The following STXBP5L variants were observed in gnomAD, a reference collection of about 807,000 sequenced individuals.
The protein encoded by STXBP5L is syntaxin binding protein 5L, also known as syntaxin-binding protein 5-like.
Under a neutral mutation model 144.5 loss-of-function variants are expected in STXBP5L, and 65 were observed. The ratio of observed to expected loss-of-function variants is 0.45; its 90% CI spans 0.37 to 0.55. The LOEUF (loss-of-function observed/expected upper bound fraction) is 0.55. Ranked by LOEUF, STXBP5L falls within the 20% of genes least tolerant of loss-of-function variation. The probability of loss-of-function intolerance (pLI) is 0.00; values close to 1 mark genes in which losing one functional copy is unlikely to be tolerated. For synonymous variants in STXBP5L, 505 were observed against 469.6 expected, an observed-to-expected ratio of 1.08 and a Z score of -0.97; for missense variants, 1,298 against 1,405.5, an observed-to-expected ratio of 0.92 and a Z score of 1.22.
intron 8 of STXBP5L, among the ~76,000 whole-genome samples, chr3:121,156,083 C>G (rs566957479): frequency 6.6e-6 from 1 of 151,914 alleles, no homozygotes; most frequent in Non-Finnish European, 1.5e-5. Context: ...TCTCTAACTT[C>G]CTCTGCTGGA....
chr3:121,261,101 G>T (rs1272960976), intron 18 of STXBP5L, among the ~76,000 whole-genome samples: 1 of 152,148 alleles, frequency 6.6e-6, no homozygotes, highest in Non-Finnish European at 1.5e-5. Flanking sequence ...GTAAAGACAA[G>T]GGGACTTCAG....
At position 121,071,561 on chromosome 3, in the gene STXBP5L, T is replaced by C. The variant is rs147116267; in HGVS notation, c.470+26026T>C. Reference sequence around the variant, plus strand: ...AGCTGCTGCTGGTTTCAGCCAGCTATGATGAACCCAAGGTATGATACCTGC... The same window carrying C: ...AGCTGCTGCTGGTTTCAGCCAGCTACGATGAACCCAAGGTATGATACCTGC... On this transcript the variant is annotated intron_variant, in intron 5 of 26. Coordinates refer to ENST00000471454, the MANE Select transcript of STXBP5L (RefSeq NM_001308330.2). 8.0e-4 allele frequency among the ~76,000 whole-genome samples: 122 copies of C among 152,300 alleles called. 2 individuals carry two copies. In the East Asian group the frequency reaches 0.022, roughly 27 times the overall value.
intron 3 of STXBP5L, among the ~76,000 whole-genome samples, chr3:120,956,486 T>C (rs1938052795): frequency 6.6e-6 from 1 of 151,994 alleles, no homozygotes; most frequent in African/African-American, 2.4e-5. Context: ...CGTTTATCCA[T>C]GTTGAAGCAT....
At chr3:121,158,503 C>G (rs1037291112) in intron 9 of STXBP5L, 2 of 152,116 alleles carry the variant, frequency 1.3e-5, no homozygotes, top group African/African-American at 4.8e-5. Flanking sequence ...TAGTTACATG[C>G]TCCATCAGTA....
chr3:120,941,255 T>G (rs186083793), intron 2 of STXBP5L, among the ~76,000 whole-genome samples: 21 of 151,838 alleles, frequency 1.4e-4, no homozygotes, highest in African/African-American at 4.8e-4. Flanking sequence ...ATTAATACGG[T>G]AGGGAAGAAA....
chr3:121,203,588 A>G (rs2048222328), intron 9 of STXBP5L, among the ~76,000 whole-genome samples: 1 of 152,172 alleles, frequency 6.6e-6, no homozygotes, highest in Non-Finnish European at 1.5e-5. Flanking sequence ...TCAATTAGTG[A>G]CAGTCAATAA....
At position 120,917,635 on chromosome 3, in the gene STXBP5L, A is replaced by G. The variant is rs374166132; in HGVS notation, c.189+7868A>G. Among the ~76,000 whole-genome samples, 9 of 152,190 alleles carry G rather than the reference A, an allele frequency of 5.9e-5. No homozygotes were observed. The South Asian group carries it at 1.7e-3, about 28-fold the overall frequency. ...CTTCAGGATAGGAGTTCGAGGCTCT[A>G]ATGCACTGTGATCATGAATAGCCAC... On this transcript the variant is annotated intron_variant, in intron 2 of 26. Transcript: ENST00000471454.
rs748185125 is a variant in STXBP5L, at chr3:120,940,588, A to C, written c.190-14352A>C. Among the ~76,000 whole-genome samples, 84 of 151,686 alleles carry C rather than the reference A, an allele frequency of 5.5e-4. 1 individual carries two copies. The highest frequency in any genetic ancestry group is 3.3e-4 in the Admixed American group (5 of 15,160). The stretch of plus-strand genomic sequence containing the variant: ...GTCCAGAGTAGAGAGAAAATATATA[A>C]GCCAGATGGTAAAATCACGTAAGAA... On this transcript the variant is annotated intron_variant, in intron 2 of 26. Coordinates refer to ENST00000471454, the MANE Select transcript of STXBP5L (RefSeq NM_001308330.2).
Position 121,075,377 on chromosome 3 carries a change from G to A in STXBP5L, c.470+29842G>A, listed in dbSNP as rs150575267. On this transcript the variant is annotated intron_variant, in intron 5 of 26. Transcript: ENST00000471454. ...CATGACCACGTCCTCTCACAAAACC[G>A]GTTTCTCTTCCAACTAAGGCTGCTG... Among the ~76,000 whole-genome samples, 649 of 152,148 alleles carry A rather than the reference G, an allele frequency of 4.3e-3. 5 individuals are homozygous for A. Among genetic ancestry groups the A allele is most frequent in the African/African-American group, 0.015 (614 of 41,502 alleles).
intron 22 of STXBP5L, among the ~76,000 whole-genome samples, chr3:121,383,149 A>T (rs1038953134): frequency 2.0e-5 from 3 of 152,016 alleles, no homozygotes; most frequent in African/African-American, 7.2e-5. Context: ...ATATATTTTT[A>T]AAAATTGCTG....
intron 20 of STXBP5L, among the ~76,000 whole-genome samples, chr3:121,348,496 CT>C (rs2045108532): frequency 6.6e-6 from 1 of 152,100 alleles, no homozygotes; most frequent in African/African-American, 2.4e-5. Context: ...AGGATCCCCT[CT>C]TTTTCTATTT....
chr3:121,321,725 C>G (rs1442058867), intron 20 of STXBP5L, among the ~76,000 whole-genome samples: 1 of 152,146 alleles, frequency 6.6e-6, no homozygotes, highest in Non-Finnish European at 1.5e-5. Flanking sequence ...AATCTCAGCT[C>G]TCACCCCTTT....
At chr3:121,257,595 G>A (rs1215784257) in intron 17 of STXBP5L, among the ~76,000 whole-genome samples, 2 of 152,126 alleles carry the variant, frequency 1.3e-5, no homozygotes, top group Non-Finnish European at 2.9e-5. Flanking sequence ...GTTTGGCAGG[G>A]CAGAAACTTG....
chr3:121,094,333 C>A (rs1413328740), intron 5 of STXBP5L, among the ~76,000 whole-genome samples: 3 of 152,040 alleles, frequency 2.0e-5, no homozygotes, highest in African/African-American at 7.2e-5. Context: ...TCCTTGTCGA[C>A]TTTCTGTCTC....
In STXBP5L at chr3:121,312,286, A is replaced by C. The variant is rs140924321; in HGVS notation, c.2111-6189A>C. ...ACCATTCAGGACATAGGCATGGGCAAGGACTTCATGTCTAAAACACCAAAA... is the reference window on the plus strand; with the variant it reads ...ACCATTCAGGACATAGGCATGGGCACGGACTTCATGTCTAAAACACCAAAA... On this transcript the variant is annotated intron_variant, in intron 19 of 26. Coordinates refer to ENST00000471454, the MANE Select transcript of STXBP5L (RefSeq NM_001308330.2). Among the ~76,000 whole-genome samples, 681 of 151,862 alleles carry C rather than the reference A, an allele frequency of 4.5e-3. 5 individuals carry two copies. Among genetic ancestry groups the C allele is most frequent in the African/African-American group, 0.015 (642 of 41,440 alleles).
At chr3:121,045,363 T>A in intron 4 of STXBP5L, 72 bp from the exon 5 acceptor site, 1 of 1,369,674 alleles carries the variant, frequency 7.3e-7, no homozygotes. Context: ...TTGAGTAAAT[T>A]AGCTTGTTTG....
intron 5 of STXBP5L, among the ~76,000 whole-genome samples, chr3:121,092,245 GC>G (rs1234593138): frequency 1.3e-5 from 2 of 151,948 alleles, no homozygotes; most frequent in South Asian, 4.2e-4. Context: ...GACTGACTTG[GC>G]AATGCGGGCT....
At chr3:121,293,157 A>G (rs2108469633) in intron 19 of STXBP5L, among the ~76,000 whole-genome samples, 1 of 152,376 alleles carries the variant, frequency 6.6e-6, no homozygotes, top group African/African-American at 2.4e-5. Context: ...TACTATTGAT[A>G]ACTACTACAA....
At chr3:121,004,148 C>T (rs1287255842) in intron 3 of STXBP5L, among the ~76,000 whole-genome samples, 2 of 152,130 alleles carry the variant, frequency 1.3e-5, no homozygotes, top group Non-Finnish European at 2.9e-5. Context: ...GGCAGTATGG[C>T]CATTTTCATG....
Sources: gnomAD v4.1 joint callset for allele counts (sites outside exome capture counted in the v4.1 genomes callset) on GRCh38, gnomAD v4.1.1 for gene constraint, MANE v1.5 for transcripts, NCBI Gene and HGNC (gene_info 2026-07-23, HGNC 2026-07-21) for gene names.